TMEM178B: variants seen among roughly 807,000 people sequenced by gnomAD.
TMEM178B encodes transmembrane protein 178B.
TMEM178B carries 5 observed loss-of-function variants against 31.0 expected under a neutral mutation model. The observed-to-expected ratio is 0.16, with a 90% CI of 0.08 to 0.34. The LOEUF (loss-of-function observed/expected upper bound fraction) is 0.34, where lower values mean the gene tolerates loss of function less well. TMEM178B is among the 10% of genes least tolerant of loss of function. The pLI is 1.00. For synonymous variants in TMEM178B, 164 were observed against 164.0 expected (o/e 1.00, Z 0.00); for missense variants, 275 against 400.3 (o/e 0.69, Z 2.67).
intron 2 of TMEM178B, among the ~76,000 whole-genome samples, chr7:141,381,236 C>G (rs916359802): frequency 6.6e-6 from 1 of 152,232 alleles, no homozygotes; most frequent in African/African-American, 2.4e-5. Flanking sequence ...GCAATAGCTT[C>G]TTCCAATTCT....
chr7:141,492,376 A>G, the TMEM178B span, among the ~76,000 whole-genome samples: 4 of 152,068 alleles, frequency 2.6e-5, no homozygotes, highest in Admixed American at 6.6e-5. Context: ...TTTTATTCTA[A>G]TTTGCAATTA....
chr7:141,410,662 T>C (rs1800968843), intron 2 of TMEM178B, among the ~76,000 whole-genome samples: 1 of 152,004 alleles, frequency 6.6e-6, no homozygotes, highest in East Asian at 1.9e-4. Context: ...AGAGGTGCGG[T>C]GACTTATAAA....
chr7:141,082,310 A>T (rs1199512263), intron 1 of TMEM178B, among the ~76,000 whole-genome samples: 1 of 152,222 alleles, frequency 6.6e-6, no homozygotes, highest in African/African-American at 2.4e-5. Flanking sequence ...GGACCTCCAC[A>T]GGCTCTTTCT....
chr7:141,427,759 G>A (rs1359306518), intron 2 of TMEM178B, among the ~76,000 whole-genome samples: 1 of 152,130 alleles, frequency 6.6e-6, no homozygotes, highest in East Asian at 1.9e-4. Context: ...ACAGAGTGAA[G>A]TAACAATCTA....
At chr7:141,244,013 C>T (rs935015870) in intron 2 of TMEM178B, among the ~76,000 whole-genome samples, 3 of 152,100 alleles carry the variant, frequency 2.0e-5, no homozygotes, top group Non-Finnish European at 2.9e-5. Flanking sequence ...ACCGGGGCTG[C>T]GGACATTTTG....
At chr7:141,378,282 G>A (rs2116582303) in intron 2 of TMEM178B, among the ~76,000 whole-genome samples, 1 of 152,274 alleles carries the variant, frequency 6.6e-6, no homozygotes, top group Non-Finnish European at 1.5e-5. Context: ...GGTGAAGTTA[G>A]CCTTGATCAC....
At chr7:141,290,963 C>G (rs1220476215) in intron 2 of TMEM178B, among the ~76,000 whole-genome samples, 1 of 152,314 alleles carries the variant, frequency 6.6e-6, no homozygotes, top group African/African-American at 2.4e-5. Flanking sequence ...ACCTACCCAT[C>G]GCTGGCTGGC....
chr7:141,423,257 A>G (rs1288273901), intron 2 of TMEM178B, among the ~76,000 whole-genome samples: 1 of 152,136 alleles, frequency 6.6e-6, no homozygotes, highest in African/African-American at 2.4e-5. Context: ...TGAACTCCTG[A>G]CCTCAGGTGA....
chr7:141,126,006 G>C (rs1471200195), intron 1 of TMEM178B, among the ~76,000 whole-genome samples: 2 of 152,216 alleles, frequency 1.3e-5, no homozygotes, highest in East Asian at 3.8e-4. Flanking sequence ...CTTTAATGCT[G>C]AGAGCTCCCT....
intron 1 of TMEM178B, among the ~76,000 whole-genome samples, chr7:141,114,769 A>G (rs1795291874): frequency 6.6e-6 from 1 of 152,170 alleles, no homozygotes; most frequent in Non-Finnish European, 1.5e-5. Flanking sequence ...CTATTATCTC[A>G]GACTCTGCTT....
intron 2 of TMEM178B, among the ~76,000 whole-genome samples, chr7:141,291,217 G>A (rs1238035797): frequency 1.3e-5 from 2 of 152,124 alleles, no homozygotes; most frequent in African/African-American, 2.4e-5. Flanking sequence ...GGAGTGTTCT[G>A]TACTCGATTA....
At chr7:141,130,930 T>A (rs760294030) in intron 1 of TMEM178B, among the ~76,000 whole-genome samples, 1 of 152,242 alleles carries the variant, frequency 6.6e-6, no homozygotes, top group Non-Finnish European at 1.5e-5. Flanking sequence ...TCTGAAATTA[T>A]GTAATTAACT....
chr7:141,329,858 A>G (rs973336703), intron 2 of TMEM178B, among the ~76,000 whole-genome samples: 3 of 152,216 alleles, frequency 2.0e-5, no homozygotes, highest in Admixed American at 2.0e-4. Context: ...GCTAAAAACA[A>G]TCTGGCTGGG....
At chr7:141,119,242 C>A (rs1414024416) in intron 1 of TMEM178B, among the ~76,000 whole-genome samples, 2 of 152,214 alleles carry the variant, frequency 1.3e-5, no homozygotes, top group Non-Finnish European at 2.9e-5. Flanking sequence ...CATTTATCCA[C>A]TGATTCTCCT....
chr7:141,100,588 A>G (rs1247969686), intron 1 of TMEM178B, among the ~76,000 whole-genome samples: 2 of 152,212 alleles, frequency 1.3e-5, no homozygotes, highest in Non-Finnish European at 2.9e-5. Context: ...AGAAGTTCCA[A>G]TACACCTATT....
At chr7:141,260,106 G>A (rs1311835955) in intron 2 of TMEM178B, among the ~76,000 whole-genome samples, 7 of 151,988 alleles carry the variant, frequency 4.6e-5, no homozygotes. Context: ...CTGCCATTTA[G>A]TTGCTTGCTT....
intron 2 of TMEM178B, among the ~76,000 whole-genome samples, chr7:141,309,884 T>TA (rs779667378): frequency 2.0e-4 from 31 of 152,214 alleles, no homozygotes; most frequent in African/African-American, 3.9e-4. Flanking sequence ...CTGTTATCTT[T>TA]AAAAAATGTC....
At chr7:141,127,872 G>A (rs1454212767) in intron 1 of TMEM178B, among the ~76,000 whole-genome samples, 1 of 152,080 alleles carries the variant, frequency 6.6e-6, no homozygotes, top group East Asian at 1.9e-4. Flanking sequence ...GGTAGAATAA[G>A]AATTTCAAGT....
At chr7:141,484,841 C>T (rs904011170), downstream of TMEM178B, among the ~76,000 whole-genome samples, 6 of 152,068 alleles carry the variant, frequency 3.9e-5, no homozygotes, top group South Asian at 2.1e-4. This position sits in a 1 kb window ranked among gnomAD's most constrained non-coding sequence, Gnocchi z 4.8. Flanking sequence ...GGATTACAGA[C>T]GTGAGCCGGG....
Sources: gnomAD v4.1 joint callset for allele counts (sites outside exome capture counted in the v4.1 genomes callset) on GRCh38, gnomAD v4.1.1 for gene constraint, Gnocchi (gnomAD v3.1) non-coding constraint, MANE v1.5 for transcripts, NCBI Gene and HGNC (gene_info 2026-07-23, HGNC 2026-07-21) for gene names.